The following KIAA1671 variants were observed in gnomAD, a reference collection of about 807,000 sequenced individuals.
The protein encoded by KIAA1671 is KIAA1671, also known as uncharacterized protein KIAA1671.
Under a neutral mutation model 131.2 loss-of-function variants are expected in KIAA1671, and 52 were observed. That is an observed-to-expected ratio of 0.40 (90% CI 0.32 to 0.50). The LOEUF is 0.50. Ranked by LOEUF, KIAA1671 falls within the 20% of genes least tolerant of loss-of-function variation. KIAA1671 has a pLI of 0.73. For synonymous variants in KIAA1671, 1,003 were observed against 961.6 expected (o/e 1.04, Z -0.80); for missense variants, 2,360 against 2,364.2 (o/e 1.00, Z 0.04).
At chr22:25,124,608 C>T (rs1932093990) in intron 6 of KIAA1671, among the ~76,000 whole-genome samples, 1 of 152,194 alleles carries the variant, frequency 6.6e-6, no homozygotes, top group Admixed American at 6.5e-5. Context: ...CCTCAGATGC[C>T]TTGTGAAGTA....
At chr22:25,143,353 A>G (rs534937381) in intron 6 of KIAA1671, among the ~76,000 whole-genome samples, 2 of 152,376 alleles carry the variant, frequency 1.3e-5, no homozygotes, top group East Asian at 1.9e-4. Flanking sequence ...GGCTGAGCAC[A>G]TGGCAGATGT....
chr22:25,056,752 G>A (rs1167797169), intron 6 of KIAA1671: 1 of 145,114 alleles, frequency 6.9e-6, no homozygotes, highest in Non-Finnish European at 1.5e-5. Flanking sequence ...AGGTGGAGTT[G>A]CAGTGACCCA....
At chr22:25,067,024 C>G (rs1002105221) in intron 6 of KIAA1671, among the ~76,000 whole-genome samples, 1 of 152,164 alleles carries the variant, frequency 6.6e-6, no homozygotes, top group African/African-American at 2.4e-5. Context: ...TGCAGCCACA[C>G]TCCCCGGGCT....
intron 6 of KIAA1671, among the ~76,000 whole-genome samples, chr22:25,124,031 A>G (rs1378712744): frequency 1.3e-5 from 2 of 152,000 alleles, no homozygotes; most frequent in African/African-American, 2.4e-5. Context: ...TTCCCAGTGG[A>G]TACCTTTCTT....
At chr22:25,047,789 T>A (rs1927330451) in intron 5 of KIAA1671, among the ~76,000 whole-genome samples, 1 of 152,246 alleles carries the variant, frequency 6.6e-6, no homozygotes, top group Non-Finnish European at 1.5e-5. Flanking sequence ...TTCTTAATGG[T>A]ACCCTTTAAA....
At chr22:25,111,683 G>A (rs1931355882) in intron 6 of KIAA1671, among the ~76,000 whole-genome samples, 1 of 152,200 alleles carries the variant, frequency 6.6e-6, no homozygotes. Flanking sequence ...TTGCCCACCG[G>A]AACCTCCCAG....
chr22:25,093,138 C>T (rs1393730804), intron 6 of KIAA1671, among the ~76,000 whole-genome samples: 3 of 152,208 alleles, frequency 2.0e-5, no homozygotes, highest in Admixed American at 2.0e-4. Context: ...TCACACAACC[C>T]TCACACAAAC....
At chr22:25,007,594 CAG>C (rs1471361569) in intron 1 of KIAA1671, among the ~76,000 whole-genome samples, 2 of 151,946 alleles carry the variant, frequency 1.3e-5, no homozygotes, top group Non-Finnish European at 2.9e-5. Flanking sequence ...CTAGCTGAAA[CAG>C]GGAAGAGGTG....
At chr22:25,003,102 C>T (rs975229719) in intron 1 of KIAA1671, among the ~76,000 whole-genome samples, 6 of 151,854 alleles carry the variant, frequency 4.0e-5, no homozygotes, top group African/African-American at 1.5e-4. Flanking sequence ...ACTTTTTTTT[C>T]CCTCTTATTA....
chr22:24,960,654 CTTTTTTTT>C (rs34901740), intron 1 of KIAA1671, among the ~76,000 whole-genome samples: 17 of 71,538 alleles, frequency 2.4e-4, no homozygotes, highest in African/African-American at 8.8e-4. Context: ...TTTTCAGGTT[CTTTTTTTT>C]TTTTTTTTTT....
chr22:25,132,890 A>G (rs1230370355), intron 6 of KIAA1671, among the ~76,000 whole-genome samples: 4 of 152,082 alleles, frequency 2.6e-5, no homozygotes, highest in African/African-American at 9.7e-5. Context: ...TCCCATCTCT[A>G]CTAAAAACAC....
intron 1 of KIAA1671, among the ~76,000 whole-genome samples, chr22:24,963,066 G>A (rs1184400571): frequency 6.6e-6 from 1 of 152,020 alleles, no homozygotes; most frequent in East Asian, 1.9e-4. Context: ...CACGGTTAGA[G>A]GCCACTCACT....
intron 6 of KIAA1671, among the ~76,000 whole-genome samples, chr22:25,104,890 C>T (rs1930909133): frequency 6.6e-6 from 1 of 152,202 alleles, no homozygotes; most frequent in Non-Finnish European, 1.5e-5. Flanking sequence ...GATAGATACA[C>T]TGAGCTCTTC....
intron 1 of KIAA1671, among the ~76,000 whole-genome samples, chr22:24,988,001 C>T (rs1025755482): frequency 6.6e-6 from 1 of 151,734 alleles, no homozygotes; most frequent in East Asian, 2.0e-4. Flanking sequence ...CTGGGCGGGG[C>T]ACGGTGGTTC....
chr22:25,079,251 A>T (rs1330981690), intron 6 of KIAA1671, among the ~76,000 whole-genome samples: 2 of 148,408 alleles, frequency 1.3e-5, no homozygotes, highest in Non-Finnish European at 3.0e-5. Context: ...TTTTTTTGAG[A>T]TGGAGTCTCG....
chr22:25,053,160 G>T (rs1927632726), intron 6 of KIAA1671: 1 of 152,126 alleles, frequency 6.6e-6, no homozygotes, highest in African/African-American at 2.4e-5. Context: ...CTTGTGTATG[G>T]TCCTGTGGCC....
intron 6 of KIAA1671, among the ~76,000 whole-genome samples, chr22:25,130,768 C>T (rs1386803225): frequency 6.6e-6 from 1 of 152,144 alleles, no homozygotes; most frequent in Non-Finnish European, 1.5e-5. Context: ...AGCTCCTCTC[C>T]CCACTGCCCT....
At chr22:24,967,817 C>T (rs922049142) in intron 1 of KIAA1671, among the ~76,000 whole-genome samples, 6 of 152,118 alleles carry the variant, frequency 3.9e-5, no homozygotes, top group Non-Finnish European at 7.4e-5. Flanking sequence ...ACGGTGAAAC[C>T]CTGTCTCTAC....
chr22:25,085,807 G>GAGGA (rs1401282059), intron 6 of KIAA1671, among the ~76,000 whole-genome samples: 1 of 148,036 alleles, frequency 6.8e-6, no homozygotes, highest in Non-Finnish European at 1.5e-5. Flanking sequence ...GGGAGGGAGG[G>GAGGA]AGGAAGGGAG....
Sources: gnomAD v4.1 joint callset for allele counts (sites outside exome capture counted in the v4.1 genomes callset) on GRCh38, gnomAD v4.1.1 for gene constraint, MANE v1.5 for transcripts, NCBI Gene and HGNC (gene_info 2026-07-23, HGNC 2026-07-21) for gene names.